ELAVL2: variants seen among roughly 807,000 people sequenced by gnomAD.
The protein encoded by ELAVL2 is ELAV like RNA binding protein 2, also known as ELAV-like protein 2.
Under a neutral mutation model 34.6 loss-of-function variants are expected in ELAVL2, and 4 were observed. That is an observed-to-expected ratio of 0.12 (90% confidence interval 0.06 to 0.26). ELAVL2 has a LOEUF of 0.26. Ranked by LOEUF, ELAVL2 falls within the 10% of genes least tolerant of loss-of-function variation. The pLI is 1.00. For synonymous variants in ELAVL2, 193 were observed against 154.8 expected (o/e 1.25, Z -1.83); for missense variants, 432 against 442.8 (o/e 0.98, Z 0.22).
chr9:23,694,965 T>G (rs1432566159), intron 5 of ELAVL2, among the ~76,000 whole-genome samples: 3 of 152,186 alleles, frequency 2.0e-5, no homozygotes, highest in Non-Finnish European at 4.4e-5. Context: ...AAATATGTGA[T>G]GACCAAATAA....
intron 1 of ELAVL2, among the ~76,000 whole-genome samples, chr9:23,823,489 C>CG (rs1214588667): frequency 6.6e-6 from 1 of 152,134 alleles, no homozygotes; most frequent in East Asian, 1.9e-4. Flanking sequence ...CTTTATGAAG[C>CG]GGGGTGCCCA....
At chr9:23,748,689 G>A (rs1464408672) in intron 2 of ELAVL2, among the ~76,000 whole-genome samples, 2 of 152,112 alleles carry the variant, frequency 1.3e-5, no homozygotes, top group African/African-American at 2.4e-5. Flanking sequence ...TTAATTGGAC[G>A]TTTCTTTTAC....
chr9:23,809,546 C>T (rs1057308979), intron 1 of ELAVL2, among the ~76,000 whole-genome samples: 1 of 152,118 alleles, frequency 6.6e-6, no homozygotes, highest in Non-Finnish European at 1.5e-5. Flanking sequence ...GATTGAAATT[C>T]TAGTAAGATT....
At chr9:23,745,409 C>T (rs1313772574) in intron 2 of ELAVL2, among the ~76,000 whole-genome samples, 1 of 152,152 alleles carries the variant, frequency 6.6e-6, no homozygotes, top group Admixed American at 6.6e-5. Context: ...TCACTTTAAG[C>T]TACCTGAACA....
At chr9:23,774,235 A>AAAAAGAAAG (rs59791462) in intron 1 of ELAVL2, among the ~76,000 whole-genome samples, 8 of 132,344 alleles carry the variant, frequency 6.0e-5, no homozygotes, top group African/African-American at 2.2e-4. Context: ...AAAAAAAAAA[A>AAAAAGAAAG]AAAGAAAGAA....
intron 3 of ELAVL2, among the ~76,000 whole-genome samples, chr9:23,710,245 AAC>A (rs1257457469): frequency 6.6e-6 from 1 of 152,250 alleles, no homozygotes; most frequent in Non-Finnish European, 1.5e-5. Flanking sequence ...AAAGATGAGT[AAC>A]ACATACACTA....
chr9:23,716,559 G>C (rs980720137), intron 3 of ELAVL2, among the ~76,000 whole-genome samples: 5 of 152,068 alleles, frequency 3.3e-5, no homozygotes, highest in Non-Finnish European at 5.9e-5. Context: ...TGAGCACACA[G>C]AGCAGGTCTT....
At chr9:23,833,507 A>G in the ELAVL2 span, among the ~76,000 whole-genome samples, 2 of 152,034 alleles carry the variant, frequency 1.3e-5, no homozygotes, top group East Asian at 3.9e-4. Flanking sequence ...GTGAAAAAAG[A>G]TATTTTATAA....
At chr9:23,803,299 C>A (rs1221371712) in intron 1 of ELAVL2, among the ~76,000 whole-genome samples, 1 of 152,134 alleles carries the variant, frequency 6.6e-6, no homozygotes, top group Non-Finnish European at 1.5e-5. Context: ...TATTCTGGTT[C>A]TCAGAAAAGA....
chr9:23,795,902 C>T (rs2060861110), intron 1 of ELAVL2, among the ~76,000 whole-genome samples: 1 of 152,132 alleles, frequency 6.6e-6, no homozygotes, highest in Admixed American at 6.5e-5. Flanking sequence ...CTTCACAGCC[C>T]GCTCTGCAGC....
intron 1 of ELAVL2, among the ~76,000 whole-genome samples, chr9:23,772,801 G>T (rs549261382): frequency 6.6e-6 from 1 of 151,936 alleles, no homozygotes; most frequent in Non-Finnish European, 1.5e-5. Context: ...GATGTGTAAC[G>T]TCCTGAGATT....
chr9:23,716,304 T>TA (rs1319900074), intron 3 of ELAVL2, among the ~76,000 whole-genome samples: 3 of 152,192 alleles, frequency 2.0e-5, no homozygotes, highest in African/African-American at 7.2e-5. Flanking sequence ...CCCTAGAACT[T>TA]AAAGTATAAT....
chr9:23,849,094 G>C, the ELAVL2 span, among the ~76,000 whole-genome samples: 5 of 152,152 alleles, frequency 3.3e-5, no homozygotes, highest in Non-Finnish European at 7.3e-5. Context: ...CACAAATACT[G>C]TGTTGATACC....
intron 1 of ELAVL2, among the ~76,000 whole-genome samples, chr9:23,770,053 C>T (rs936753896): frequency 6.6e-6 from 1 of 152,180 alleles, no homozygotes; most frequent in Non-Finnish European, 1.5e-5. Flanking sequence ...ATCCATTCAA[C>T]GAACATCTCC....
chr9:23,696,225 C>G (rs2035148748), intron 5 of ELAVL2, among the ~76,000 whole-genome samples: 1 of 152,086 alleles, frequency 6.6e-6, no homozygotes, highest in African/African-American at 2.4e-5. Flanking sequence ...CTGTATGCAT[C>G]TGAGCCCAGA....
intron 1 of ELAVL2, among the ~76,000 whole-genome samples, chr9:23,807,348 G>A (rs747438990): frequency 2.5e-4 from 38 of 151,998 alleles, no homozygotes; most frequent in African/African-American, 9.2e-4. Flanking sequence ...CCTTTTTTCC[G>A]TGTCTTTTCC....
intron 4 of ELAVL2, among the ~76,000 whole-genome samples, chr9:23,704,584 T>A (rs1000076823): frequency 1.3e-5 from 2 of 152,096 alleles, no homozygotes; most frequent in Non-Finnish European, 2.9e-5. Context: ...AAAAGAAAGG[T>A]TGTTTATTAG....
intron 1 of ELAVL2, among the ~76,000 whole-genome samples, chr9:23,781,324 T>G (rs990908363): frequency 6.6e-6 from 1 of 152,088 alleles, no homozygotes; most frequent in Non-Finnish European, 1.5e-5. Flanking sequence ...ACCTGAGAAA[T>G]TCAAATTAAT....
intron 1 of ELAVL2, among the ~76,000 whole-genome samples, chr9:23,768,269 G>T (rs1335512832): frequency 6.6e-6 from 1 of 152,054 alleles, no homozygotes; most frequent in Non-Finnish European, 1.5e-5. Context: ...CACTCTTCTA[G>T]CTTTGTTTAT....
Sources: gnomAD v4.1 joint callset for allele counts (sites outside exome capture counted in the v4.1 genomes callset) on GRCh38, gnomAD v4.1.1 for gene constraint, MANE v1.5 for transcripts, NCBI Gene and HGNC (gene_info 2026-07-23, HGNC 2026-07-21) for gene names.